Variants in EXOC6 observed in about 807,000 individuals in gnomAD.
The protein encoded by EXOC6 is exocyst complex component 6.
A neutral mutation model predicts 112.5 loss-of-function variants in EXOC6; 60 were observed. The observed-to-expected ratio is 0.53, with a 90% CI of 0.43 to 0.66. The LOEUF (loss-of-function observed/expected upper bound fraction) is 0.66. Among genes scored for constraint, EXOC6 ranks in the 30% least tolerant of loss-of-function variants. EXOC6 has a pLI of 0.00. For missense variants in EXOC6, 855 were observed against 957.1 expected (o/e 0.89, Z 1.41); for synonymous variants, 295 against 308.0 (o/e 0.96, Z 0.44).
intron 1 of EXOC6, 136 bp downstream of exon 1, chr10:92,848,770 C>A: frequency 1.6e-6 from 1 of 616,552 alleles, no homozygotes; most frequent in Non-Finnish European, 2.1e-6. Flanking sequence ...GGCGGGGGCG[C>A]TCGCGGGTGG....
At chr10:92,999,203 C>CTT (rs768506467) in intron 19 of EXOC6, 1,924 of 349,940 alleles carry the variant, frequency 5.5e-3, no homozygotes, top group Middle Eastern at 8.9e-3. Context: ...CTAAGAAACA[C>CTT]TTTTTTTTTT....
chr10:92,941,428 A>C (rs1240259645), intron 13 of EXOC6, among the ~76,000 whole-genome samples: 1 of 152,192 alleles, frequency 6.6e-6, no homozygotes, highest in Admixed American at 6.5e-5. Flanking sequence ...TCTGCTTTCA[A>C]ATCTTTTGGG....
chr10:93,000,082 A>T (rs926781846), intron 19 of EXOC6, among the ~76,000 whole-genome samples: 1 of 152,164 alleles, frequency 6.6e-6, no homozygotes, highest in African/African-American at 2.4e-5. Context: ...TATAACGTTC[A>T]TTACTATCTG....
At chr10:92,845,909 G>A (rs1020963281), upstream of EXOC6, among the ~76,000 whole-genome samples, 36 of 152,318 alleles carry the variant, frequency 2.4e-4, no homozygotes, top group African/African-American at 7.7e-4. Context: ...TTGTTACCCA[G>A]CCTGGGTAAC....
intron 17 of EXOC6, among the ~76,000 whole-genome samples, chr10:92,956,616 T>C (rs1853705906): frequency 6.6e-6 from 1 of 152,106 alleles, no homozygotes; most frequent in Non-Finnish European, 1.5e-5. Context: ...CCCCCAAATA[T>C]TATGCTCCTC....
intron 7 of EXOC6, among the ~76,000 whole-genome samples, chr10:92,919,684 A>T (rs1056646973): frequency 2.0e-5 from 3 of 152,188 alleles, no homozygotes; most frequent in African/African-American, 7.2e-5. Context: ...AGTTATCCAT[A>T]GCAGTTTTCT....
chr10:92,982,823 C>G (rs1189065064), intron 18 of EXOC6, among the ~76,000 whole-genome samples: 3 of 152,056 alleles, frequency 2.0e-5, no homozygotes, highest in Admixed American at 2.0e-4. Flanking sequence ...TAGTGTTTTA[C>G]TGATGTGCCA....
chr10:92,974,258 G>GT, intron 18 of EXOC6, 26 bp downstream of exon 18: 1 of 1,473,464 alleles, frequency 6.8e-7, no homozygotes, highest in Non-Finnish European at 9.0e-7. Flanking sequence ...TTCAAAAATT[G>GT]TTTTATGTTT....
intron 6 of EXOC6, among the ~76,000 whole-genome samples, chr10:92,912,549 C>A (rs184599657): frequency 3.2e-4 from 48 of 152,230 alleles, no homozygotes; most frequent in African/African-American, 1.1e-3. Flanking sequence ...TGAAGTAATT[C>A]TTTAACATAA....
intron 6 of EXOC6, among the ~76,000 whole-genome samples, chr10:92,914,208 G>C (rs61862280): frequency 0.011 from 1,717 of 152,280 alleles, 19 homozygotes; most frequent in Non-Finnish European, 0.017. Context: ...AACTGTGCAT[G>C]CGGGGCATCT....
Position 92,909,420 on chromosome 10 carries a change from C to A in EXOC6, c.459-7C>A. 3 of 1,574,830 alleles carry A rather than the reference C, an allele frequency of 1.9e-6. No homozygotes were observed. The highest frequency in any genetic ancestry group is 2.6e-6 in the Non-Finnish European group (3 of 1,164,208). On this transcript the variant is annotated splice_region_variant and splice_polypyrimidine_tract_variant and intron_variant, in intron 5 of 21. Coordinates refer to ENST00000260762, the MANE Select transcript of EXOC6 (RefSeq NM_019053.6). ...TTTATAGAGTTTTCTTTTTTAACTTCTCACAGGTACTATTCTGCCCTAAAA... is the reference window on the plus strand; with the variant it reads ...TTTATAGAGTTTTCTTTTTTAACTTATCACAGGTACTATTCTGCCCTAAAA...
intron 19 of EXOC6, among the ~76,000 whole-genome samples, chr10:93,008,604 T>G (rs1219367400): frequency 6.6e-6 from 1 of 152,214 alleles, no homozygotes; most frequent in Non-Finnish European, 1.5e-5. Flanking sequence ...TTTCAAAAAT[T>G]AGTCATCAAT....
At chr10:93,028,829 C>T (rs112927059) in intron 20 of EXOC6, among the ~76,000 whole-genome samples, 1 of 98,332 alleles carries the variant, frequency 1.0e-5, no homozygotes, top group Non-Finnish European at 2.0e-5. Context: ...AGTGAAACTC[C>T]ATCTCAAAAA....
At chr10:92,949,707 C>T (rs555686696) in intron 14 of EXOC6, among the ~76,000 whole-genome samples, 69 of 152,084 alleles carry the variant, frequency 4.5e-4, no homozygotes, top group Middle Eastern at 3.4e-3. Context: ...ATTCTCCTGC[C>T]TCAGCCTCCC....
intron 20 of EXOC6, among the ~76,000 whole-genome samples, chr10:93,042,409 C>T (rs1302770776): frequency 6.6e-6 from 1 of 152,188 alleles, no homozygotes; most frequent in Non-Finnish European, 1.5e-5. Flanking sequence ...GAATATCTTT[C>T]CCTTTATACT....
chr10:92,860,143 T>C (rs1667348911), intron 1 of EXOC6, among the ~76,000 whole-genome samples: 1 of 152,216 alleles, frequency 6.6e-6, no homozygotes, highest in Non-Finnish European at 1.5e-5. Context: ...TATTTTATTT[T>C]TAAATTGTGA....
chr10:92,871,815 T>A (rs909241064), intron 1 of EXOC6, among the ~76,000 whole-genome samples: 1 of 151,914 alleles, frequency 6.6e-6, no homozygotes, highest in Non-Finnish European at 1.5e-5. Flanking sequence ...CTAAAAAAAA[T>A]AAATAAAATA....
At chr10:92,943,276 C>T (rs1037983929) in intron 13 of EXOC6, among the ~76,000 whole-genome samples, 1 of 152,110 alleles carries the variant, frequency 6.6e-6, no homozygotes, top group African/African-American at 2.4e-5. Flanking sequence ...CCTTGGCCTC[C>T]TAAAGTGCTG....
intron 20 of EXOC6, among the ~76,000 whole-genome samples, chr10:93,039,083 C>G (rs1442409350): frequency 6.6e-6 from 1 of 151,984 alleles, no homozygotes; most frequent in African/African-American, 2.4e-5. Flanking sequence ...CTTTGGGAGA[C>G]CAAAAGGTCA....
Sources: allele counts gnomAD v4.1 joint callset (sites outside exome capture counted in the v4.1 genomes callset), GRCh38; gene constraint gnomAD v4.1.1; transcripts MANE v1.5; gene names NCBI Gene and HGNC (gene_info 2026-07-23, HGNC 2026-07-21).